The following FGFR1 variants were observed in gnomAD, a reference collection of about 807,000 sequenced individuals.
The protein encoded by FGFR1 is fibroblast growth factor receptor 1.
Under a neutral mutation model 93.7 loss-of-function variants are expected in FGFR1, and 18 were observed. That is an observed-to-expected ratio of 0.19 (90% CI 0.13 to 0.28). The LOEUF is 0.28. Among genes scored for constraint, FGFR1 ranks in the 10% least tolerant of loss-of-function variants. The pLI, the probability that FGFR1 is intolerant of heterozygous loss-of-function variation, is 1.00. For synonymous variants in FGFR1, 448 were observed against 429.3 expected, an observed-to-expected ratio of 1.04 and a Z score of -0.54; for missense variants, 731 against 1,080.4, an observed-to-expected ratio of 0.68 and a Z score of 4.53.
chr8:38,419,035 C>T (rs992388562), intron 9 of FGFR1, among the ~76,000 whole-genome samples: 6 of 152,210 alleles, frequency 3.9e-5, no homozygotes, highest in African/African-American at 7.2e-5. Flanking sequence ...GCTCTCTTCT[C>T]GTCTGCCGCC....
intron 2 of FGFR1, among the ~76,000 whole-genome samples, chr8:38,446,799 T>C (rs1289283885): frequency 6.6e-6 from 1 of 152,186 alleles, no homozygotes; most frequent in Non-Finnish European, 1.5e-5. Context: ...CTTCCATTCA[T>C]CAGAGATTGT....
Position 38,415,861 on chromosome 8 carries a change from G to T in FGFR1, c.1854+9C>A, listed in dbSNP as rs771678301. The T allele has an allele frequency of 1.2e-6, 2 of 1,613,168 alleles. No homozygotes were observed. The highest frequency in any genetic ancestry group is 2.2e-5 in the South Asian group (2 of 91,028). On this transcript the variant is annotated intron_variant, in intron 13 of 17. Coordinates refer to ENST00000447712, the MANE Select transcript of FGFR1 (RefSeq NM_023110.3). The stretch of plus-strand genomic sequence containing the variant: ...TGGCATTACCCAGGGGAGCCTTCAG[G>T]TTCCACACCTTCTTGGAGGCCAGAT...
At chr8:38,439,708 A>G (rs1826718221) in intron 2 of FGFR1, among the ~76,000 whole-genome samples, 1 of 151,770 alleles carries the variant, frequency 6.6e-6, no homozygotes, top group Non-Finnish European at 1.5e-5. Flanking sequence ...TCTTCCCCTA[A>G]ATGCCTTTCT....
chr8:38,462,534 C>A (rs1188824181), intron 1 of FGFR1, among the ~76,000 whole-genome samples: 9 of 152,082 alleles, frequency 5.9e-5, no homozygotes, highest in African/African-American at 2.2e-4. Flanking sequence ...CTATTTCTTT[C>A]TTTTAACTTA....
chr8:38,432,965 G>T (rs1823832081), intron 2 of FGFR1, among the ~76,000 whole-genome samples: 2 of 139,688 alleles, frequency 1.4e-5, no homozygotes, highest in South Asian at 4.6e-4. Context: ...CCCTGGCATG[G>T]CAAAGCTTAC....
intron 2 of FGFR1, among the ~76,000 whole-genome samples, chr8:38,452,658 C>T (rs1441957170): frequency 2.0e-5 from 3 of 151,998 alleles, no homozygotes; most frequent in Admixed American, 6.6e-5. Context: ...CCACTGTGCT[C>T]GCCCTATGAT....
rs1050209090 is a variant in FGFR1, at chr8:38,468,594, G to T, written c.-702C>A. The T allele has an allele frequency of 4.4e-6, 1 of 229,600 alleles. No individual in the cohort carries two copies. The highest frequency in any genetic ancestry group is 5.7e-5 in the Admixed American group (1 of 17,624). The allele number at this position is 229,600 out of a possible 1,614,324, so 14.2% of individuals were successfully genotyped here. ...CCGCTAGCTGCCGCCCGCCGCCGAG[G>T]ACGCCGCGCCTGTGGCCGCAAGAGC... On this transcript the variant is annotated 5_prime_UTR_variant, in exon 1 of 18. Transcript: ENST00000447712.
rs2150581759 is a variant in FGFR1 at position 38,415,876 on chromosome 8, G to A, written c.1848C>T (p.Ser616=). Residue 616 remains serine (S), a synonymous_variant, in exon 13 of 18, where the codon TCC becomes TCT. Transcript: ENST00000447712. ...QVARGMEYLA[S]KKCIHRDLAA... ...GAGCCTTCAGGTTCCACACCTTCTT[G>A]GAGGCCAGATACTCCATGCCTCGGG... The A allele has an allele frequency of 6.2e-7, 1 of 1,613,552 alleles. No homozygotes were observed. Among genetic ancestry groups the A allele is most frequent in the East Asian group, 2.2e-5 (1 of 44,876 alleles).
intron 2 of FGFR1, among the ~76,000 whole-genome samples, chr8:38,452,184 GACACACAGACACACAGACACACACAC>G (rs1831269800): frequency 1.0e-5 from 1 of 99,756 alleles, no homozygotes; most frequent in South Asian, 4.0e-4. Context: ...GCTCCCGACA[GACACACAGACACACAGACACACACAC>G]ACACACACAC....
At chr8:38,447,995 T>C (rs1006671550) in intron 2 of FGFR1, among the ~76,000 whole-genome samples, 5 of 152,212 alleles carry the variant, frequency 3.3e-5, no homozygotes, top group African/African-American at 1.2e-4. Context: ...ATCAACTTTG[T>C]ACACCCACAC....
Position 38,428,101 on chromosome 8 carries a change from G to A in FGFR1, c.449-8C>T, listed in dbSNP as rs551551806. 2 of 1,614,026 alleles carry A rather than the reference G, an allele frequency of 1.2e-6. No individual in the cohort carries two copies. The highest frequency in any genetic ancestry group is 1.7e-6 in the Non-Finnish European group (2 of 1,180,044). Reference sequence around the variant, plus strand: ...TCCAATATGGAGCTACGGCTGCCCGGGGAAAGCCAAGAGAGACAGGCAGGG... The same window carrying A: ...TCCAATATGGAGCTACGGCTGCCCGAGGAAAGCCAAGAGAGACAGGCAGGG... On this transcript the variant is annotated splice_polypyrimidine_tract_variant and splice_region_variant and intron_variant, in intron 4 of 17. Transcript: ENST00000447712.
chr8:38,453,429 C>A (rs1053972989), intron 2 of FGFR1, among the ~76,000 whole-genome samples: 1 of 152,210 alleles, frequency 6.6e-6, no homozygotes, highest in Non-Finnish European at 1.5e-5. Flanking sequence ...AGCACACATT[C>A]ATTATCAATA....
rs768687116 is a variant in FGFR1, at chr8:38,419,658, T to C, written c.1159A>G (p.Ile387Val). ...ATGACCGACCCCACCATGCAGGAGATGAGGAAGGCCCCTGTGCAATAGATG... is the reference window on the plus strand; with the variant it reads ...ATGACCGACCCCACCATGCAGGAGACGAGGAAGGCCCCTGTGCAATAGATG... ...IIIYCTGAFL[I>V]SCMVGSVIVY... The change falls in exon 9 of 18, where the codon ATC (isoleucine) becomes GTC (valine). Residue 387 changes from isoleucine (I) to valine (V), a missense_variant. Physicochemically the swap from Ile to Val is conservative, Grantham distance 29. Coordinates refer to ENST00000447712, the MANE Select transcript of FGFR1 (RefSeq NM_023110.3). 8 of 1,613,972 alleles carry C rather than the reference T, an allele frequency of 5.0e-6. No homozygotes were observed. The highest frequency in any genetic ancestry group is 6.8e-6 in the Non-Finnish European group (8 of 1,179,976).
chr8:38,423,098 C>T (rs1473119423), intron 7 of FGFR1: 2 of 779,662 alleles, frequency 2.6e-6, no homozygotes, highest in South Asian at 1.3e-5. Context: ...AAACCTTACA[C>T]ACATACTCCC....
At chr8:38,432,923 C>A (rs1183789434) in intron 2 of FGFR1, among the ~76,000 whole-genome samples, 1 of 146,776 alleles carries the variant, frequency 6.8e-6, no homozygotes, top group Non-Finnish European at 1.5e-5. Flanking sequence ...CCCCCCTCCC[C>A]AGTTGGGATG....
chr8:38,445,169 A>G (rs1208768346), intron 2 of FGFR1, among the ~76,000 whole-genome samples: 1 of 152,204 alleles, frequency 6.6e-6, no homozygotes, highest in African/African-American at 2.4e-5. Flanking sequence ...GTGAGCACAA[A>G]GCTCCCTCTG....
intron 1 of FGFR1, among the ~76,000 whole-genome samples, chr8:38,463,695 T>A (rs1052378046): frequency 1.3e-5 from 2 of 152,276 alleles, no homozygotes; most frequent in African/African-American, 4.8e-5. Context: ...GAAAAGCAAT[T>A]AGGTAGTACC....
At chr8:38,434,266 T>A (rs529556387) in intron 2 of FGFR1, 14 of 162,918 alleles carry the variant, frequency 8.6e-5, no homozygotes, top group Admixed American at 1.3e-4. Flanking sequence ...CCCACCCACC[T>A]TGACCTCCCA....
At chr8:38,466,301 G>T (rs950771230) in intron 1 of FGFR1, 52 of 232,324 alleles carry the variant, frequency 2.2e-4, no homozygotes, top group Middle Eastern at 1.3e-3. Context: ...AGGGGACCGC[G>T]GGCTCCGGGC....
Sources: gnomAD v4.1 joint callset for allele counts (sites outside exome capture counted in the v4.1 genomes callset) on GRCh38, gnomAD v4.1.1 for gene constraint, MANE v1.5 for transcripts, NCBI Gene and HGNC (gene_info 2026-07-23, HGNC 2026-07-21) for gene names.